The following FHOD3 variants were observed in gnomAD, a reference collection of about 807,000 sequenced individuals.
FHOD3 encodes FH1/FH2 domain-containing protein 3.
In FHOD3, 90 loss-of-function variants were observed where a neutral mutation model predicts 173.0. That is an observed-to-expected ratio of 0.52 (90% CI 0.44 to 0.62). The LOEUF is 0.62. Among genes scored for constraint, FHOD3 ranks in the 20% least tolerant of loss-of-function variants. FHOD3 has a pLI of 0.00. For synonymous variants in FHOD3, 828 were observed against 823.0 expected, an observed-to-expected ratio of 1.01 and a Z score of -0.10; for missense variants, 1,945 against 2,034.7, an observed-to-expected ratio of 0.96 and a Z score of 0.85.
chr18:36,724,075 A>G (rs538399979), intron 19 of FHOD3, among the ~76,000 whole-genome samples: 1 of 152,194 alleles, frequency 6.6e-6, no homozygotes, highest in South Asian at 2.1e-4. Flanking sequence ...ATCAAGTTTG[A>G]GTCTTTACTT....
intron 3 of FHOD3, among the ~76,000 whole-genome samples, chr18:36,479,498 A>G (rs1325519773): frequency 2.0e-5 from 3 of 152,154 alleles, no homozygotes; most frequent in African/African-American, 4.8e-5. Flanking sequence ...CAGCTTTTGA[A>G]AATTTCTGCC....
chr18:36,766,107 A>G (rs2043127914), intron 27 of FHOD3, among the ~76,000 whole-genome samples: 1 of 152,188 alleles, frequency 6.6e-6, no homozygotes, highest in Non-Finnish European at 1.5e-5. Context: ...CCTATGGTGC[A>G]ATGATAATAA....
chr18:36,590,430 A>G (rs750453966), intron 6 of FHOD3, among the ~76,000 whole-genome samples: 35 of 152,356 alleles, frequency 2.3e-4, no homozygotes, highest in Admixed American at 1.6e-3. Context: ...AAGTTGATGC[A>G]GTAATGCTAG....
chr18:36,738,835 C>A (rs1160788524), intron 20 of FHOD3, among the ~76,000 whole-genome samples: 1 of 152,168 alleles, frequency 6.6e-6, no homozygotes, highest in Non-Finnish European at 1.5e-5. Context: ...ATTACTATAG[C>A]TTTTTATTTA....
intron 3 of FHOD3, among the ~76,000 whole-genome samples, chr18:36,420,670 G>A (rs1293387857): frequency 6.6e-6 from 1 of 152,192 alleles, no homozygotes; most frequent in Non-Finnish European, 1.5e-5. Flanking sequence ...TAAGAGCAGT[G>A]TTTGCCTAAA....
At chr18:36,438,090 C>T (rs1251795241) in intron 3 of FHOD3, among the ~76,000 whole-genome samples, 6 of 152,300 alleles carry the variant, frequency 3.9e-5, no homozygotes, top group Non-Finnish European at 8.8e-5. Context: ...CACAGCAAGG[C>T]TGTTAGGAAC....
chr18:36,480,932 G>A (rs761145830), intron 3 of FHOD3, among the ~76,000 whole-genome samples: 29 of 150,924 alleles, frequency 1.9e-4, no homozygotes, highest in Non-Finnish European at 4.1e-4. Context: ...CATTAGGAAA[G>A]CATTCATGTT....
intron 1 of FHOD3, among the ~76,000 whole-genome samples, chr18:36,315,199 T>C (rs1328154846): frequency 6.6e-6 from 1 of 152,234 alleles, no homozygotes; most frequent in East Asian, 1.9e-4. Flanking sequence ...ATTGAACTTT[T>C]GAAAGATACC....
In FHOD3 at chr18:36,779,546, C is replaced by T; in HGVS notation, c.*16C>T. 5 of 1,612,758 alleles carry T rather than the reference C, an allele frequency of 3.1e-6. No homozygotes were observed. The highest frequency in any genetic ancestry group is 1.3e-5 in the African/African-American group (1 of 75,020). ...GCAGCTGTGACACTCATAGGTTACT[C>T]CCAGGAGTGTGCTGAGCAGAAGGCA... On this transcript the variant is annotated 3_prime_UTR_variant, in exon 29 of 29. Coordinates refer to ENST00000590592, the MANE Select transcript of FHOD3 (RefSeq NM_001281740.3).
intron 24 of FHOD3, among the ~76,000 whole-genome samples, chr18:36,751,451 T>A (rs1973655411): frequency 1.3e-5 from 2 of 152,226 alleles, no homozygotes; most frequent in African/African-American, 4.8e-5. Context: ...TCTCATCCTA[T>A]TTGAATGCGC....
rs2049022616 is a variant in FHOD3, at chr18:36,405,736, A to G, written c.337+32992A>G. The stretch of plus-strand genomic sequence containing the variant: ...GTGAGGACATGTTTATATGACTGTG[A>G]ACATACCAAAATATGGAACAGATGT... On this transcript the variant is annotated intron_variant, in intron 3 of 28. Coordinates refer to ENST00000590592, the MANE Select transcript of FHOD3 (RefSeq NM_001281740.3). 3.3e-5 allele frequency among the ~76,000 whole-genome samples: 5 copies of G among 152,366 alleles called. No individual in the cohort carries two copies. The South Asian group carries it at 1.0e-3, about 32-fold the overall frequency.
chr18:36,316,003 C>T (rs555720307), intron 1 of FHOD3, among the ~76,000 whole-genome samples: 11 of 151,792 alleles, frequency 7.2e-5, no homozygotes, highest in Admixed American at 3.3e-4. Context: ...AGCTAATCCT[C>T]GGGGAGTGGG....
intron 6 of FHOD3, among the ~76,000 whole-genome samples, chr18:36,592,453 T>C (rs1212301771): frequency 2.6e-5 from 4 of 152,166 alleles, no homozygotes; most frequent in Admixed American, 6.5e-5. Context: ...GAGCTTAGCA[T>C]GTGAAGTGCA....
chr18:36,568,151 C>G (rs2147822568), intron 5 of FHOD3, among the ~76,000 whole-genome samples: 1 of 132,110 alleles, frequency 7.6e-6, no homozygotes, highest in East Asian at 2.2e-4. Flanking sequence ...GGACAAAATC[C>G]CATCTCTACT....
At chr18:36,498,100 C>CA (rs1459689796) in intron 3 of FHOD3, among the ~76,000 whole-genome samples, 1 of 151,662 alleles carries the variant, frequency 6.6e-6, no homozygotes, top group South Asian at 2.1e-4. Flanking sequence ...AACCATGGGT[C>CA]AAAAAAATCA....
intron 3 of FHOD3, among the ~76,000 whole-genome samples, chr18:36,471,408 A>G (rs1568315998): frequency 6.6e-6 from 1 of 152,146 alleles, no homozygotes; most frequent in African/African-American, 2.4e-5. Context: ...CAAAATTGTT[A>G]TGCGTGGATA....
At chr18:36,714,624 C>T (rs908434235) in intron 18 of FHOD3, among the ~76,000 whole-genome samples, 4 of 152,166 alleles carry the variant, frequency 2.6e-5, no homozygotes, top group African/African-American at 9.7e-5. Context: ...GGAGAAAGAG[C>T]AAGGCTGTCT....
intron 28 of FHOD3, 111 bp downstream of exon 28, chr18:36,769,537 C>T (rs745377813): frequency 6.5e-6 from 9 of 1,377,730 alleles, no homozygotes; most frequent in Non-Finnish European, 8.8e-6. Flanking sequence ...TCAGTGGCTC[C>T]CAGAGTGCCT....
chr18:36,687,280 C>G, intron 16 of FHOD3, 102 bp downstream of exon 16: 1 of 866,684 alleles, frequency 1.2e-6, no homozygotes, highest in East Asian at 2.7e-5. Flanking sequence ...ACTGCTTCAC[C>G]TAAAACCTTA....
Sources: allele counts gnomAD v4.1 joint callset (sites outside exome capture counted in the v4.1 genomes callset), GRCh38; gene constraint gnomAD v4.1.1; transcripts MANE v1.5; gene names NCBI Gene and HGNC (gene_info 2026-07-23, HGNC 2026-07-21).